Variants in RAD54L2 observed in about 807,000 individuals in gnomAD.
RAD54L2 encodes RAD54 like 2.
In RAD54L2, 27 loss-of-function variants were observed where a neutral mutation model predicts 138.4. That is an observed-to-expected ratio of 0.20 (90% CI 0.14 to 0.27). RAD54L2 has a LOEUF of 0.27. Ranked by LOEUF, RAD54L2 falls within the 10% of genes least tolerant of loss-of-function variation. The pLI is 1.00. For synonymous variants in RAD54L2, 644 were observed against 723.2 expected (o/e 0.89, Z 1.76); for missense variants, 1,396 against 1,890.2 (o/e 0.74, Z 4.85).
chr3:51,562,714 A>T (rs1036694199), intron 2 of RAD54L2, among the ~76,000 whole-genome samples: 1 of 151,848 alleles, frequency 6.6e-6, no homozygotes, highest in East Asian at 1.9e-4. Context: ...GGGTCTCCCT[A>T]TGTTGCCTAG....
At chr3:51,557,645 C>T (rs1022171716) in intron 2 of RAD54L2, among the ~76,000 whole-genome samples, 9 of 151,684 alleles carry the variant, frequency 5.9e-5, no homozygotes, top group African/African-American at 1.2e-4. Context: ...GCCTGATCAA[C>T]GTGGTGAAAC....
At chr3:51,649,213 G>A (rs1701364965) in intron 19 of RAD54L2, among the ~76,000 whole-genome samples, 1 of 151,882 alleles carries the variant, frequency 6.6e-6, no homozygotes, top group Non-Finnish European at 1.5e-5. Context: ...AGTGATTGAA[G>A]ATCAAATGAA....
rs1701800408 is a variant in RAD54L2, at chr3:51,662,351, T to A, written c.3410-75T>A. ...GGGGACTACAGGACAGGATTTTTTT[T>A]AATGGAGTTTTCTCCTCTACCCTTC... On this transcript the variant is annotated intron_variant, in intron 22 of 22. Transcript: ENST00000684192. This position sits in a 1 kb window ranked among gnomAD's most constrained non-coding sequence, Gnocchi z 4.6. The A allele has an allele frequency of 1.5e-6, 2 of 1,361,358 alleles. No homozygotes were observed. Among genetic ancestry groups the A allele is most frequent in the African/African-American group, 1.5e-5 (1 of 67,466 alleles). 84.3% of individuals were successfully genotyped at this position (1,361,358 alleles called of 1,614,324 possible). A position where few individuals can be genotyped will look rare whatever the true frequency, so the allele number is the denominator to read the frequency against.
chr3:51,663,884 T>G lies in RAD54L2; in HGVS notation c.*464T>G. 1 of 161,248 alleles carries G rather than the reference T, an allele frequency of 6.2e-6. No individual in the cohort carries two copies. The allele number at this position is 161,248 out of a possible 1,614,324, so 10.0% of individuals were successfully genotyped here. On this transcript the variant is annotated 3_prime_UTR_variant, in exon 23 of 23. Transcript: ENST00000684192. ...GAGGGTGGGTAGGGGGAGCAGACTGTGATCCCATGTGAAGTGGGGTCTTTT... is the reference window on the plus strand; with the variant it reads ...GAGGGTGGGTAGGGGGAGCAGACTGGGATCCCATGTGAAGTGGGGTCTTTT...
intron 3 of RAD54L2, among the ~76,000 whole-genome samples, chr3:51,604,496 G>C (rs1700138854): frequency 6.6e-6 from 1 of 152,176 alleles, no homozygotes; most frequent in Non-Finnish European, 1.5e-5. Context: ...GTAGTGCAGT[G>C]TGGTGGCTTA....
At chr3:51,583,586 A>AT (rs34377858) in intron 2 of RAD54L2, among the ~76,000 whole-genome samples, 11,588 of 132,034 alleles carry the variant, frequency 0.088, 985 homozygotes, top group East Asian at 0.32. Context: ...CGCCCAGCTA[A>AT]TTTTTTTTTT....
intron 3 of RAD54L2, among the ~76,000 whole-genome samples, chr3:51,593,701 A>G (rs889416508): frequency 3.3e-5 from 5 of 152,204 alleles, no homozygotes; most frequent in South Asian, 2.1e-4. Flanking sequence ...ATTGTTTGTC[A>G]TAGTTTACAC....
chr3:51,586,497 G>T (rs1188822936), intron 2 of RAD54L2, among the ~76,000 whole-genome samples: 1 of 151,396 alleles, frequency 6.6e-6, no homozygotes, highest in East Asian at 1.9e-4. Flanking sequence ...CAGGCATTCA[G>T]GTTGCCTAAA....
At chr3:51,575,846 T>C (rs1334950324) in intron 2 of RAD54L2, among the ~76,000 whole-genome samples, 4 of 152,206 alleles carry the variant, frequency 2.6e-5, no homozygotes, top group Non-Finnish European at 4.4e-5. Flanking sequence ...TATTTCTTTC[T>C]CCTGCCTGAT....
chr3:51,553,008 T>A (rs1698876440), intron 2 of RAD54L2, among the ~76,000 whole-genome samples: 1 of 151,854 alleles, frequency 6.6e-6, no homozygotes, highest in African/African-American at 2.4e-5. Context: ...TTTGGCTGAT[T>A]TAATTAATTT....
chr3:51,546,948 G>A (rs1553672419), intron 2 of RAD54L2, among the ~76,000 whole-genome samples: 1 of 152,074 alleles, frequency 6.6e-6, no homozygotes, highest in South Asian at 2.1e-4. Flanking sequence ...AGAATCGCTT[G>A]AATCCGGGAG....
At chr3:51,542,174 T>G (rs188102051) in intron 2 of RAD54L2, among the ~76,000 whole-genome samples, 4 of 152,326 alleles carry the variant, frequency 2.6e-5, no homozygotes, top group Non-Finnish European at 5.9e-5. Flanking sequence ...TTGGTTTTGT[T>G]TTTCCATCTG....
At position 51,615,232 on chromosome 3, in the gene RAD54L2, C is replaced by G. The variant is rs1028474029; in HGVS notation, c.140-12321C>G. Among the ~76,000 whole-genome samples the G allele has an allele frequency of 2.6e-5, 4 of 152,178 alleles. No homozygotes were observed. In the East Asian group the frequency reaches 7.7e-4, roughly 29 times the overall value. The stretch of plus-strand genomic sequence containing the variant: ...GTTTCACCATGTTGGCCAGGCTGAT[C>G]TTGAACTCCTGACCTCAGGTGATCC... On this transcript the variant is annotated intron_variant, in intron 3 of 22. Coordinates refer to ENST00000684192, the MANE Select transcript of RAD54L2 (RefSeq NM_015106.4).
chr3:51,610,339 C>T (rs1025127074), intron 3 of RAD54L2, among the ~76,000 whole-genome samples: 4 of 152,074 alleles, frequency 2.6e-5, no homozygotes, highest in South Asian at 2.1e-4. Context: ...CATGGTGGCT[C>T]ACGCCTGTAA....
rs1313437663 is a variant in RAD54L2 at position 51,590,302 on chromosome 3, C to T, written c.-54-65C>T. ...CACTGTGCCCAGCTAGCATTTTTTT[C>T]TTTGAAAGACTTGTGTTCCTAAGCA... On this transcript the variant is annotated intron_variant, in intron 2 of 22. Coordinates refer to ENST00000684192, the MANE Select transcript of RAD54L2 (RefSeq NM_015106.4). 8.0e-6 allele frequency: 10 copies of T among 1,252,610 alleles called. No individual in the cohort carries two copies. In the East Asian group the frequency reaches 2.7e-4, roughly 34 times the overall value. The allele number at this position is 1,252,610 out of a possible 1,614,324, so 77.6% of individuals were successfully genotyped here. A position where few individuals can be genotyped will look rare whatever the true frequency, so the allele number is the denominator to read the frequency against.
intron 3 of RAD54L2, among the ~76,000 whole-genome samples, chr3:51,600,824 G>A (rs542738817): frequency 5.3e-5 from 8 of 152,002 alleles, no homozygotes; most frequent in South Asian, 2.1e-4. Context: ...AAAATTAGCC[G>A]AGTGTGGTGG....
intron 2 of RAD54L2, among the ~76,000 whole-genome samples, chr3:51,574,073 C>A (rs888300069): frequency 6.7e-6 from 1 of 150,034 alleles, no homozygotes; most frequent in African/African-American, 2.5e-5. Flanking sequence ...TCAGTTCCCA[C>A]CCATGAGCGA....
At chr3:51,590,276 C>G in intron 2 of RAD54L2, 91 bp from the exon 3 acceptor site, 1 of 950,214 alleles carries the variant, frequency 1.1e-6, no homozygotes, top group Non-Finnish European at 1.5e-6. Flanking sequence ...CAGGCATGAG[C>G]CACTGTGCCC....
intron 3 of RAD54L2, among the ~76,000 whole-genome samples, chr3:51,601,266 C>G (rs1031109011): frequency 6.6e-6 from 1 of 151,080 alleles, no homozygotes; most frequent in Non-Finnish European, 1.5e-5. Flanking sequence ...CCCGCCTCAG[C>G]CTCCCAAAGT....
Sources: gnomAD v4.1 joint callset for allele counts (sites outside exome capture counted in the v4.1 genomes callset) on GRCh38, gnomAD v4.1.1 for gene constraint, Gnocchi (gnomAD v3.1) non-coding constraint, MANE v1.5 for transcripts, NCBI Gene and HGNC (gene_info 2026-07-23, HGNC 2026-07-21) for gene names.